Variants in RAPGEF2 observed in about 807,000 individuals in gnomAD.
RAPGEF2 encodes Rap guanine nucleotide exchange factor 2, also known as PDZ domain containing guanine nucleotide exchange factor (GEF) 1.
A neutral mutation model predicts 186.7 loss-of-function variants in RAPGEF2; 54 were observed. The observed-to-expected ratio is 0.29, with a 90% CI of 0.23 to 0.36. The LOEUF (loss-of-function observed/expected upper bound fraction) is 0.36, where lower values mean the gene tolerates loss of function less well. RAPGEF2 is among the 10% of genes least tolerant of loss of function. The pLI is 1.00. For missense variants in RAPGEF2, 1,532 were observed against 2,045.0 expected, an observed-to-expected ratio of 0.75 and a Z score of 4.84; for synonymous variants, 712 against 705.9, an observed-to-expected ratio of 1.01 and a Z score of -0.14.
At chr4:159,151,034 T>C (rs1743479845) in intron 1 of RAPGEF2, among the ~76,000 whole-genome samples, 1 of 152,194 alleles carries the variant, frequency 6.6e-6, no homozygotes, top group South Asian at 2.1e-4. Context: ...TATAGAAATT[T>C]TGCTGATTGT....
chr4:159,308,179 CCTG>C (rs1482414243), intron 8 of RAPGEF2, among the ~76,000 whole-genome samples: 1 of 152,134 alleles, frequency 6.6e-6, no homozygotes, highest in East Asian at 1.9e-4. Flanking sequence ...GAGCTTACAG[CCTG>C]CTATCTGGCT....
rs1220630510 is a variant in RAPGEF2, at chr4:159,360,032, T to C, written c.*1893T>C. On this transcript the variant is annotated 3_prime_UTR_variant, in exon 30 of 30. Transcript: ENST00000691494. ...GGTGGAGTCTGTATCCCTTTTGTAT[T>C]TTTAATACAATAATTGTACATATTG... 6.6e-6 allele frequency: 1 copy of C among 152,256 alleles called. No individual in the cohort carries two copies. The highest frequency in any genetic ancestry group is 1.5e-5 in the Non-Finnish European group (1 of 68,044). 9.4% of individuals were successfully genotyped at this position (152,256 alleles called of 1,614,324 possible). A position where few individuals can be genotyped will look rare whatever the true frequency, so the allele number is the denominator to read the frequency against.
chr4:159,117,519 AC>A (rs1344603746), intron 1 of RAPGEF2, among the ~76,000 whole-genome samples: 1 of 151,924 alleles, frequency 6.6e-6, no homozygotes, highest in Non-Finnish European at 1.5e-5. Context: ...GTGGGAGGCA[AC>A]ATGCTAAAAT....
intron 4 of RAPGEF2, among the ~76,000 whole-genome samples, chr4:159,227,106 G>T (rs745434754): frequency 6.8e-4 from 104 of 152,092 alleles, no homozygotes; most frequent in Non-Finnish European, 1.1e-3. Flanking sequence ...CAAATTTTGG[G>T]CAGGTTAGTG....
rs1757653232 is a variant in RAPGEF2, at chr4:159,268,093, A to G, written c.543+24302A>G. The G allele has an allele frequency of 1.1e-5, 18 of 1,590,398 alleles. No individual in the cohort carries two copies. The Admixed American group carries it at 1.6e-4, about 14-fold the overall frequency. On this transcript the variant is annotated intron_variant, in intron 7 of 29. Transcript: ENST00000691494. ...TTTTAATTTAATGCTGTAGAGGGTG[A>G]CTTGCCATCGTGAGAGATTGGTACA...
At chr4:159,332,353 G>C (rs891423800) in intron 16 of RAPGEF2, 98 bp from the exon 17 acceptor site, 5 of 1,290,684 alleles carry the variant, frequency 3.9e-6, no homozygotes, top group Non-Finnish European at 5.4e-6. Flanking sequence ...ACTGAAGTCT[G>C]TACTTCTCAT....
chr4:159,332,616 C>T lies in RAPGEF2; in HGVS notation c.2054C>T (p.Ala685Val), dbSNP rs201455463. Residue 685 changes from alanine to valine, a missense_variant, in exon 17 of 30, where the codon GCC (alanine) becomes GTC (valine). Physicochemically the swap from Ala to Val is moderately conservative, Grantham distance 64 (BLOSUM62 0). Transcript: ENST00000691494. The stretch of plus-strand genomic sequence containing the variant: ...GAAAAAGTGAACAAAAAAAGTAAAG[C>T]CAACACTGTGGGAGGAAGGAACAAG... ...GLEKVNKKSK[A>V]NTVGGRNKLK... The T allele has an allele frequency of 2.1e-5, 34 of 1,613,910 alleles. 1 individual carries two copies. In the South Asian group the frequency reaches 3.0e-4, roughly 14 times the overall value.
At chr4:159,345,612 A>G (rs1730177810) in intron 24 of RAPGEF2, among the ~76,000 whole-genome samples, 1 of 152,232 alleles carries the variant, frequency 6.6e-6, no homozygotes, top group Admixed American at 6.5e-5. Flanking sequence ...CACATGCAAC[A>G]GACGCATATA....
chr4:159,226,683 C>T (rs1025714270), intron 4 of RAPGEF2, among the ~76,000 whole-genome samples: 1 of 152,136 alleles, frequency 6.6e-6, no homozygotes, highest in East Asian at 1.9e-4. Context: ...GTGTACAGAT[C>T]ATACACATTC....
At chr4:159,145,937 G>C (rs1232473000) in intron 1 of RAPGEF2, among the ~76,000 whole-genome samples, 1 of 152,192 alleles carries the variant, frequency 6.6e-6, no homozygotes, top group East Asian at 1.9e-4. Flanking sequence ...CTAGGTTTCA[G>C]AAAAGTGGGA....
intron 1 of RAPGEF2, among the ~76,000 whole-genome samples, chr4:159,111,381 T>C (rs1236668530): frequency 6.6e-6 from 1 of 152,248 alleles, no homozygotes; most frequent in East Asian, 1.9e-4. Flanking sequence ...TTGAAAATAA[T>C]GGACTGTGGA....
Position 159,109,934 on chromosome 4 carries a change from C to CCT in RAPGEF2, c.69+5704_69+5705insTC, listed in dbSNP as rs148569478. On this transcript the variant is annotated intron_variant, in intron 1 of 29. Transcript: ENST00000691494. ...ATGGTTTGTGAGGGTAGTGAGGAGA[C>CCT]CAAGAGTTCTGTTAAAGACTGATGT... Among the ~76,000 whole-genome samples, 1,290 of 152,222 alleles carry CCT rather than the reference C, an allele frequency of 8.5e-3. 23 individuals are homozygous for CCT. Among genetic ancestry groups the CCT allele is most frequent in the African/African-American group, 0.03 (1,226 of 41,516 alleles).
chr4:159,254,696 T>A (rs1755929349), intron 7 of RAPGEF2, among the ~76,000 whole-genome samples: 1 of 151,470 alleles, frequency 6.6e-6, no homozygotes, highest in Non-Finnish European at 1.5e-5. Flanking sequence ...GCAACCCCTG[T>A]CTTCTGGGTT....
intron 7 of RAPGEF2, among the ~76,000 whole-genome samples, chr4:159,297,239 C>T (rs1561233509): frequency 6.6e-6 from 1 of 152,112 alleles, no homozygotes. Context: ...GCATCCCTTC[C>T]CCCAACCCCC....
intron 1 of RAPGEF2, among the ~76,000 whole-genome samples, chr4:159,122,352 G>A (rs1054818282): frequency 3.3e-5 from 5 of 151,822 alleles, no homozygotes; most frequent in South Asian, 2.1e-4. Context: ...GGTGGCGCAC[G>A]CCTATAATCC....
intron 4 of RAPGEF2, among the ~76,000 whole-genome samples, chr4:159,224,737 C>G (rs543025334): frequency 6.6e-6 from 1 of 151,992 alleles, no homozygotes; most frequent in African/African-American, 2.4e-5. Flanking sequence ...GAAGAGAATC[C>G]CTGGAAGATC....
intron 7 of RAPGEF2, among the ~76,000 whole-genome samples, chr4:159,291,801 T>A (rs1488830920): frequency 6.6e-6 from 1 of 151,934 alleles, no homozygotes; most frequent in Non-Finnish European, 1.5e-5. Context: ...TTTTTTTATG[T>A]CCTCTTGATG....
At chr4:159,349,436 C>T (rs1730856713) in intron 25 of RAPGEF2, among the ~76,000 whole-genome samples, 1 of 152,182 alleles carries the variant, frequency 6.6e-6, no homozygotes, top group African/African-American at 2.4e-5. Context: ...AATCATCTTA[C>T]ATTGACATGT....
chr4:159,118,491 C>A (rs1364084912), intron 1 of RAPGEF2, among the ~76,000 whole-genome samples: 6 of 152,020 alleles, frequency 3.9e-5, no homozygotes, highest in Non-Finnish European at 8.8e-5. Context: ...CCTGCACCCC[C>A]CCGCCCAACC....
Sources: allele counts gnomAD v4.1 joint callset (sites outside exome capture counted in the v4.1 genomes callset), GRCh38; gene constraint gnomAD v4.1.1; transcripts MANE v1.5; gene names NCBI Gene and HGNC (gene_info 2026-07-23, HGNC 2026-07-21).